ZNF385D: variants seen among roughly 807,000 people sequenced by gnomAD.
ZNF385D encodes the protein zinc finger protein 659.
ZNF385D carries 15 observed loss-of-function variants against 35.8 expected under a neutral mutation model. The ratio of observed to expected loss-of-function variants is 0.42; its 90% CI spans 0.28 to 0.64. ZNF385D has a LOEUF of 0.64. Ranked by LOEUF, ZNF385D falls within the 30% of genes least tolerant of loss-of-function variation. The pLI, the probability that ZNF385D is intolerant of heterozygous loss-of-function variation, is 0.23. For synonymous variants in ZNF385D, 212 were observed against 186.8 expected (o/e 1.13, Z -1.10); for missense variants, 474 against 494.6 (o/e 0.96, Z 0.39).
chr3:21,493,454 A>G (rs1310441022), intron 4 of ZNF385D, among the ~76,000 whole-genome samples: 1 of 152,148 alleles, frequency 6.6e-6, no homozygotes, highest in Non-Finnish European at 1.5e-5. Flanking sequence ...AATTAAAACT[A>G]TACTTTTATT....
chr3:22,364,908 C>T (rs922924775), intron 2 of ZNF385D, among the ~76,000 whole-genome samples: 2 of 152,070 alleles, frequency 1.3e-5, no homozygotes, highest in Non-Finnish European at 2.9e-5. Flanking sequence ...AGTGGAATAT[C>T]ATCTAGCCTT....
At chr3:21,941,779 G>A (rs928412742) in intron 3 of ZNF385D, among the ~76,000 whole-genome samples, 1 of 150,406 alleles carries the variant, frequency 6.6e-6, no homozygotes, top group Non-Finnish European at 1.5e-5. Flanking sequence ...TTACAGGGGT[G>A]AGCCACCATG....
chr3:22,358,385 G>A (rs1024495078), intron 2 of ZNF385D, among the ~76,000 whole-genome samples: 8 of 151,890 alleles, frequency 5.3e-5, no homozygotes, highest in African/African-American at 1.9e-4. Flanking sequence ...AAGGAAGACA[G>A]CTTCATTTTT....
chr3:22,334,399 T>A (rs1438554288), intron 2 of ZNF385D, among the ~76,000 whole-genome samples: 1 of 152,130 alleles, frequency 6.6e-6, no homozygotes, highest in Non-Finnish European at 1.5e-5. Flanking sequence ...CATTTACCCT[T>A]TCCAAATTAT....
At chr3:21,679,777 G>A (rs1025955956) in intron 1 of ZNF385D, among the ~76,000 whole-genome samples, 3 of 152,060 alleles carry the variant, frequency 2.0e-5, no homozygotes, top group South Asian at 2.1e-4. Flanking sequence ...ATATCCAAGC[G>A]ACTTACTTGA....
chr3:21,679,996 G>A (rs1178189340), intron 1 of ZNF385D, among the ~76,000 whole-genome samples: 1 of 151,990 alleles, frequency 6.6e-6, no homozygotes, highest in Non-Finnish European at 1.5e-5. Flanking sequence ...CCTAATACGT[G>A]GTAAGGACTC....
At chr3:21,949,504 T>C (rs1210225667) in intron 3 of ZNF385D, among the ~76,000 whole-genome samples, 3 of 151,568 alleles carry the variant, frequency 2.0e-5, no homozygotes, top group African/African-American at 7.3e-5. Context: ...GCTTTCTGAG[T>C]TCGGCCTTCA....
intron 3 of ZNF385D, among the ~76,000 whole-genome samples, chr3:21,924,381 T>C (rs1376518010): frequency 6.6e-6 from 1 of 152,130 alleles, no homozygotes; most frequent in Non-Finnish European, 1.5e-5. Context: ...CCCAAAGACA[T>C]CAAAGAGTGC....
intron 3 of ZNF385D, among the ~76,000 whole-genome samples, chr3:21,950,628 A>G (rs938804287): frequency 6.6e-6 from 1 of 151,680 alleles, no homozygotes; most frequent in Admixed American, 6.6e-5. Context: ...GCCCATGCCC[A>G]TGTCCTAAAT....
chr3:22,057,171 T>C (rs1699448879), intron 3 of ZNF385D, among the ~76,000 whole-genome samples: 1 of 152,216 alleles, frequency 6.6e-6, no homozygotes, highest in Non-Finnish European at 1.5e-5. Context: ...TGATTTAAAG[T>C]CTAGCTAATC....
chr3:21,826,899 G>A (rs1028879741), intron 3 of ZNF385D, among the ~76,000 whole-genome samples: 1 of 151,702 alleles, frequency 6.6e-6, no homozygotes, highest in Non-Finnish European at 1.5e-5. Flanking sequence ...GTACCTGAAG[G>A]AACAGTGAAG....
chr3:21,554,604 T>C (rs1201213629), intron 3 of ZNF385D, among the ~76,000 whole-genome samples: 1 of 152,186 alleles, frequency 6.6e-6, no homozygotes, highest in Non-Finnish European at 1.5e-5. Context: ...TTGACTTCTC[T>C]CTCTAGCTAG....
intron 3 of ZNF385D, among the ~76,000 whole-genome samples, chr3:21,872,288 T>C (rs1292949794): frequency 6.6e-6 from 1 of 152,154 alleles, no homozygotes; most frequent in African/African-American, 2.4e-5. Context: ...TTGAGCATGT[T>C]TGAAGTTGCA....
chr3:22,165,791 T>C (rs1706275438), intron 3 of ZNF385D, among the ~76,000 whole-genome samples: 1 of 152,152 alleles, frequency 6.6e-6, no homozygotes, highest in Non-Finnish European at 1.5e-5. Context: ...TGGCAACTCT[T>C]GCCTCAACAC....
chr3:21,476,056 G>A (rs1040848407), intron 4 of ZNF385D, among the ~76,000 whole-genome samples: 1 of 152,062 alleles, frequency 6.6e-6, no homozygotes, highest in East Asian at 1.9e-4. Context: ...AAATATTCTT[G>A]ATTATTTGAA....
intron 1 of ZNF385D, among the ~76,000 whole-genome samples, chr3:21,670,652 C>G (rs1303382834): frequency 4.5e-4 from 1 of 2,198 alleles, no homozygotes; most frequent in African/African-American, 1.1e-3. Context: ...CCTAAGGCGC[C>G]CCCCCCCCCC....
chr3:22,187,698 ATAT>A (rs1695730634), intron 2 of ZNF385D, among the ~76,000 whole-genome samples: 1 of 152,162 alleles, frequency 6.6e-6, no homozygotes, highest in Non-Finnish European at 1.5e-5. Flanking sequence ...AAATTAGGAA[ATAT>A]TATTTTAACA....
At chr3:21,810,998 G>GTGTATATATA (rs576386621) in intron 3 of ZNF385D, among the ~76,000 whole-genome samples, 3 of 144,454 alleles carry the variant, frequency 2.1e-5, no homozygotes, top group African/African-American at 7.6e-5. Flanking sequence ...GTGTGTGTGT[G>GTGTATATATA]TATATATATA....
chr3:22,321,617 G>GGATTACAA (rs1694438389), intron 2 of ZNF385D, among the ~76,000 whole-genome samples: 2 of 151,904 alleles, frequency 1.3e-5, no homozygotes, highest in Non-Finnish European at 2.9e-5. Flanking sequence ...CACTCACCTC[G>GGATTACAA]GCCTCCCAAA....
Sources: allele counts gnomAD v4.1 joint callset (sites outside exome capture counted in the v4.1 genomes callset), GRCh38; gene constraint gnomAD v4.1.1; transcripts MANE v1.5; gene names NCBI Gene and HGNC (gene_info 2026-07-23, HGNC 2026-07-21).